Variants in TEX35 observed in about 807,000 individuals in gnomAD.
The protein encoded by TEX35 is testis expressed 35.
A neutral mutation model predicts 31.9 loss-of-function variants in TEX35; 26 were observed. The ratio of observed to expected loss-of-function variants is 0.81; its 90% confidence interval spans 0.60 to 1.13. The LOEUF is 1.13. TEX35 is among the 50% of genes most tolerant of loss of function. TEX35 has a pLI of 0.00. For synonymous variants in TEX35, 87 were observed against 90.7 expected (o/e 0.96, Z 0.23); for missense variants, 278 against 273.5 (o/e 1.02, Z -0.12).
rs770475800 is a variant in TEX35, at chr1:178,514,686, G to A, written c.91-14G>A. 6 of 1,613,274 alleles carry A rather than the reference G, an allele frequency of 3.7e-6. No individual in the cohort carries two copies. The highest frequency in any genetic ancestry group is 2.2e-5 in the East Asian group (1 of 44,886). ...GCAATTCCCAAAGGTCTGTGTTCCT[G>A]TTTCAATCCACAGACATTTGATTAC... On this transcript the variant is annotated splice_polypyrimidine_tract_variant and intron_variant, in intron 2 of 8. Transcript: ENST00000319416.
chr1:178,520,352 T>C lies in TEX35; in HGVS notation c.277-20T>C. ...AAGTCCTTCAAAATGAAGATGCTAG[T>C]TCTGAATTCTCTCTCGAAGGAAATG... On this transcript the variant is annotated intron_variant, in intron 5 of 8. Coordinates refer to ENST00000319416, the MANE Select transcript of TEX35 (RefSeq NM_032126.5). 3 of 1,610,980 alleles carry C rather than the reference T, an allele frequency of 1.9e-6. No homozygotes were observed. Among genetic ancestry groups the C allele is most frequent in the Non-Finnish European group, 1.7e-6 (2 of 1,178,576 alleles).
At chr1:178,521,692 G>C in intron 8 of TEX35, 1 of 1,551,926 alleles carries the variant, frequency 6.4e-7, no homozygotes, top group Non-Finnish European at 8.7e-7. Flanking sequence ...GAACCTACCA[G>C]CAGTTCCGAT....
Position 178,520,450 on chromosome 1 carries a change from G to A in TEX35, c.341+14G>A. 6.2e-7 allele frequency: 1 copy of A among 1,614,112 alleles called. No homozygotes were observed. Among genetic ancestry groups the A allele is most frequent in the Non-Finnish European group, 8.5e-7 (1 of 1,180,004 alleles). The stretch of plus-strand genomic sequence containing the variant: ...GAACTATAAGCTGTAAGTGTAACCT[G>A]CACTCGTCTCTCCTCATCCCTAAAG... On this transcript the variant is annotated intron_variant, in intron 6 of 8. Coordinates refer to ENST00000319416, the MANE Select transcript of TEX35 (RefSeq NM_032126.5).
At chr1:178,520,982 C>G (rs1218691348) in intron 7 of TEX35, 108 bp downstream of exon 7, 1 of 1,554,898 alleles carries the variant, frequency 6.4e-7, no homozygotes, top group Non-Finnish European at 8.7e-7. Flanking sequence ...ACAGGTCCGC[C>G]CGCTGCTGAC....
Position 178,516,680 on chromosome 1 carries a change from C to T in TEX35, c.276+6C>T, listed in dbSNP as rs1249252173. On this transcript the variant is annotated splice_donor_region_variant and intron_variant, in intron 5 of 8. Transcript: ENST00000319416. ...AATTTGTGGAAATTATGAAGGTAAG[C>T]ATTACTTGAGTGCCTTCCATGGGCC... The T allele has an allele frequency of 2.5e-6, 4 of 1,585,018 alleles. No homozygotes were observed. The Admixed American group carries it at 5.1e-5, about 20-fold the overall frequency.
rs949163249 is a variant in TEX35 at position 178,514,329 on chromosome 1, C to G, written c.90+252C>G. ...CAGGGAGACATGTCTGAGTGGCTGC[C>G]GTGGAGTGGGTGGTAGGGAAAGGCC... On this transcript the variant is annotated intron_variant, in intron 2 of 8. Transcript: ENST00000319416. The G allele has an allele frequency of 3.8e-6, 5 of 1,319,978 alleles. No individual in the cohort carries two copies. The Admixed American group carries it at 1.4e-4, about 36-fold the overall frequency. The allele number at this position is 1,319,978 out of a possible 1,614,324, so 81.8% of individuals were successfully genotyped here. A position where few individuals can be genotyped will look rare whatever the true frequency, so the allele number is the denominator to read the frequency against.
At chr1:178,520,192 G>A (rs571515259) in intron 5 of TEX35, among the ~76,000 whole-genome samples, 180 bp from the exon 6 acceptor site, 1 of 152,274 alleles carries the variant, frequency 6.6e-6, no homozygotes, top group African/African-American at 2.4e-5. Flanking sequence ...TCTCATTGGG[G>A]AAGGGGGATG....
chr1:178,519,939 T>G (rs1650204714), intron 5 of TEX35, among the ~76,000 whole-genome samples: 1 of 152,214 alleles, frequency 6.6e-6, no homozygotes, highest in Admixed American at 6.5e-5. Context: ...TGCCAGGAAT[T>G]AGGTAAAAGA....
intron 3 of TEX35, among the ~76,000 whole-genome samples, chr1:178,515,282 A>G (rs1425945455): frequency 6.6e-6 from 1 of 151,954 alleles, no homozygotes; most frequent in Admixed American, 6.6e-5. Context: ...TAATTTTTGT[A>G]TTTTTAGTAG....
At chr1:178,516,812 A>T (rs989861752) in intron 5 of TEX35, 138 bp downstream of exon 5, 2 of 576,422 alleles carry the variant, frequency 3.5e-6, no homozygotes, top group Non-Finnish European at 6.0e-6. Flanking sequence ...ATTGCAAGCC[A>T]AATAATTAAT....
chr1:178,521,074 C>T (rs1650259927), intron 7 of TEX35, 148 bp from the exon 8 acceptor site: 6 of 1,570,752 alleles, frequency 3.8e-6, no homozygotes, highest in Non-Finnish European at 4.3e-6. Context: ...TGTGACCATG[C>T]AGGACTTGAC....
At chr1:178,523,194 C>T (rs759330887), downstream of TEX35, 24 of 648,920 alleles carry the variant, frequency 3.7e-5, no homozygotes, top group Admixed American at 4.2e-4. Context: ...CCTCATTCAT[C>T]TGTTGATGAC....
rs201449108 is a variant in TEX35 at position 178,521,264 on chromosome 1, G to C, written c.586G>C (p.Gly196Arg). 6.2e-7 allele frequency: 1 copy of C among 1,614,202 alleles called. No homozygotes were observed. Among genetic ancestry groups the C allele is most frequent in the Admixed American group, 1.7e-5 (1 of 60,022 alleles). ...LCALKNNYNRGNIPSEASGLY... is the reference protein window; with the variant it reads ...LCALKNNYNRRNIPSEASGLY... ...TGCTCTAAAGAACAACTACAATCGG[G>C]GTAGGTAGATTCATACAAGATGTGC... Residue 196 changes from glycine (G) to arginine (R), a missense_variant and splice_region_variant, in exon 8 of 9, where the codon GGG (glycine) becomes CGG (arginine). Gly to Arg is a moderately radical substitution (Grantham distance 125). Coordinates refer to ENST00000319416, the MANE Select transcript of TEX35 (RefSeq NM_032126.5).
At chr1:178,521,983 C>T (rs1224532466) in intron 8 of TEX35, 3 of 835,978 alleles carry the variant, frequency 3.6e-6, no homozygotes, top group South Asian at 1.9e-5. Flanking sequence ...CCACCTCCCT[C>T]CATTCCACCT....
At chr1:178,514,598 C>T in intron 2 of TEX35, 102 bp from the exon 3 acceptor site, 5 of 1,165,094 alleles carry the variant, frequency 4.3e-6, no homozygotes, top group Non-Finnish European at 6.2e-6. Flanking sequence ...CTTGCCTTAG[C>T]CCTAAGGGAG....
Position 178,516,643 on chromosome 1 carries a change from A to G in TEX35, c.245A>G (p.Asp82Gly), listed in dbSNP as rs1306148980. 6.2e-7 allele frequency: 1 copy of G among 1,613,716 alleles called. No individual in the cohort carries two copies. Among genetic ancestry groups the G allele is most frequent in the East Asian group, 2.2e-5 (1 of 44,892 alleles). The change falls in exon 5 of 9, where the codon GAT (aspartate) becomes GGT (glycine). Residue 82 changes from aspartate (D) to glycine (G), a missense_variant. Asp to Gly is a moderately conservative substitution (Grantham distance 94). Coordinates refer to ENST00000319416, the MANE Select transcript of TEX35 (RefSeq NM_032126.5). ...AAGGATCTAATGGACAAGGATTTTG[A>G]TAAACTTCACGAATTTGTGGAAATT... is the stretch of plus-strand genomic sequence containing the variant. ...QIKDLMDKDF[D>G]KLHEFVEIMK...
intron 5 of TEX35, among the ~76,000 whole-genome samples, chr1:178,517,810 T>C (rs1650134248): frequency 6.6e-6 from 1 of 152,224 alleles, no homozygotes; most frequent in African/African-American, 2.4e-5. Flanking sequence ...ATGAAGTGAT[T>C]TTAAATAATA....
At chr1:178,523,048 C>T (rs866409994), downstream of TEX35, among the ~76,000 whole-genome samples, 7 of 152,100 alleles carry the variant, frequency 4.6e-5, no homozygotes, top group South Asian at 2.1e-4. Context: ...TGAGAACATG[C>T]GATGTTTGTC....
At position 178,513,238 on chromosome 1, in the gene TEX35, G is replaced by T. The variant is rs1047533057; in HGVS notation, c.39+11G>T. On this transcript the variant is annotated intron_variant, in intron 1 of 8. Transcript: ENST00000319416. ...AAGAAAACACATCTGGTAAAAGAGA[G>T]ACATTGCTGGACAGTGTGGGTCCTC... The T allele has an allele frequency of 4.2e-5, 67 of 1,614,186 alleles. No homozygotes were observed. Among genetic ancestry groups the T allele is most frequent in the Non-Finnish European group, 5.4e-5 (64 of 1,180,030 alleles).
Sources: gnomAD v4.1 joint callset for allele counts (sites outside exome capture counted in the v4.1 genomes callset) on GRCh38, gnomAD v4.1.1 for gene constraint, MANE v1.5 for transcripts, NCBI Gene and HGNC (gene_info 2026-07-23, HGNC 2026-07-21) for gene names.